Variants in KCNB2 observed in about 807,000 individuals in gnomAD.
KCNB2 encodes the protein potassium voltage-gated channel subfamily B member 2.
A neutral mutation model predicts 61.5 loss-of-function variants in KCNB2; 15 were observed. That is an observed-to-expected ratio of 0.24 (90% CI 0.16 to 0.38). The LOEUF (loss-of-function observed/expected upper bound fraction) is 0.38, where lower values mean the gene tolerates loss of function less well. Ranked by LOEUF, KCNB2 falls within the 10% of genes least tolerant of loss-of-function variation. The pLI is 1.00. For missense variants in KCNB2, 828 were observed against 1,125.2 expected, an observed-to-expected ratio of 0.74 and a Z score of 3.78; for synonymous variants, 457 against 446.0, an observed-to-expected ratio of 1.02 and a Z score of -0.31.
chr8:72,911,437 G>A (rs1806289553), intron 2 of KCNB2, among the ~76,000 whole-genome samples: 1 of 152,212 alleles, frequency 6.6e-6, no homozygotes, highest in Admixed American at 6.5e-5. Flanking sequence ...GCGTGCAGGG[G>A]CACACACCAT....
chr8:72,840,234 A>T lies in KCNB2; in HGVS notation c.580-95701A>T, dbSNP rs142947874. ...CTTCATTCATGTCCCTGCAAAGGAC[A>T]TGAACTCATCCTTTTTTGTGGTTGC... On this transcript the variant is annotated intron_variant, in intron 2 of 2. Transcript: ENST00000523207. Among the ~76,000 whole-genome samples the T allele has an allele frequency of 7.4e-3, 1,120 of 152,316 alleles. 13 individuals are homozygous for T. Among genetic ancestry groups the T allele is most frequent in the African/African-American group, 0.02 (843 of 41,554 alleles).
Position 72,673,783 on chromosome 8 carries a change from G to T in KCNB2, c.579+105470G>T, listed in dbSNP as rs550385762. Among the ~76,000 whole-genome samples, 5 of 152,290 alleles carry T rather than the reference G, an allele frequency of 3.3e-5. No homozygotes were observed. The South Asian group carries it at 6.2e-4, about 19-fold the overall frequency. ...AGAAAGTAGAATAGTAGTTGCCAGG[G>T]TCTGGGGGACATGGAAATGGGGAGT... is the stretch of plus-strand genomic sequence containing the variant. On this transcript the variant is annotated intron_variant, in intron 2 of 2. Transcript: ENST00000523207.
intron 2 of KCNB2, among the ~76,000 whole-genome samples, chr8:72,858,684 T>C (rs1408330842): frequency 1.3e-5 from 2 of 152,200 alleles, no homozygotes; most frequent in Non-Finnish European, 2.9e-5. Context: ...AGGAGGGCAA[T>C]ACATGAAGTT....
rs541663563 is a variant in KCNB2, at chr8:72,747,333, G to A, written c.579+179020G>A. On this transcript the variant is annotated intron_variant, in intron 2 of 2. Transcript: ENST00000523207. The stretch of plus-strand genomic sequence containing the variant: ...TGGTGCCTGGCCCCATGGTGATTAG[G>A]GCAGATGGACAGTGAGTGGCCCAGA... Among the ~76,000 whole-genome samples, 48 of 152,290 alleles carry A rather than the reference G, an allele frequency of 3.2e-4. No homozygotes were observed. The South Asian group carries it at 7.1e-3, about 22-fold the overall frequency.
At chr8:72,629,108 G>A (rs1277780170) in intron 2 of KCNB2, among the ~76,000 whole-genome samples, 1 of 152,200 alleles carries the variant, frequency 6.6e-6, no homozygotes, top group Non-Finnish European at 1.5e-5. Flanking sequence ...TCACACAATA[G>A]TCTTGATGTA....
intron 2 of KCNB2, among the ~76,000 whole-genome samples, chr8:72,727,443 T>C (rs546601397): frequency 2.6e-5 from 4 of 152,324 alleles, no homozygotes; most frequent in South Asian, 2.1e-4. Flanking sequence ...TAGTAGCACA[T>C]ATGTATAACT....
At chr8:72,761,108 C>T (rs978012167) in intron 2 of KCNB2, among the ~76,000 whole-genome samples, 4 of 152,148 alleles carry the variant, frequency 2.6e-5, no homozygotes, top group Non-Finnish European at 5.9e-5. Flanking sequence ...TTCCAATTGT[C>T]CTTGATAGTT....
At chr8:72,733,119 C>A (rs550543523) in intron 2 of KCNB2, among the ~76,000 whole-genome samples, 6 of 152,148 alleles carry the variant, frequency 3.9e-5, no homozygotes, top group African/African-American at 1.4e-4. Context: ...GTCATACAAA[C>A]GTGAAGGTTA....
At chr8:72,910,141 C>A (rs2129007340) in intron 2 of KCNB2, among the ~76,000 whole-genome samples, 1 of 152,256 alleles carries the variant, frequency 6.6e-6, no homozygotes, top group South Asian at 2.1e-4. Flanking sequence ...CATTGCTAAG[C>A]CTTTCTGAGC....
At chr8:72,660,454 C>T (rs987224108) in intron 2 of KCNB2, 1 of 152,234 alleles carries the variant, frequency 6.6e-6, no homozygotes, top group South Asian at 2.1e-4. Flanking sequence ...TCCTTGAGGA[C>T]CTGGCCACCC....
chr8:72,922,587 G>GA (rs1690667858), intron 2 of KCNB2, among the ~76,000 whole-genome samples: 1 of 152,166 alleles, frequency 6.6e-6, no homozygotes, highest in Non-Finnish European at 1.5e-5. Flanking sequence ...GAAAAGGCAG[G>GA]AATGCTCTCT....
chr8:72,579,884 A>G (rs1325263705), intron 2 of KCNB2, among the ~76,000 whole-genome samples: 1 of 152,232 alleles, frequency 6.6e-6, no homozygotes, highest in East Asian at 1.9e-4. Context: ...CCTGGGGGAA[A>G]AAAAGGAACT....
chr8:72,790,557 T>C (rs1808923985), intron 2 of KCNB2, among the ~76,000 whole-genome samples: 1 of 152,146 alleles, frequency 6.6e-6, no homozygotes, highest in East Asian at 1.9e-4. Flanking sequence ...ATGCAGGCCT[T>C]GAGAAAGAAT....
At chr8:72,673,557 A>C (rs765187872) in intron 2 of KCNB2, among the ~76,000 whole-genome samples, 1 of 152,218 alleles carries the variant, frequency 6.6e-6, no homozygotes, top group Non-Finnish European at 1.5e-5. Flanking sequence ...CTTTATTAGC[A>C]GTGTAAGAAC....
intron 2 of KCNB2, among the ~76,000 whole-genome samples, chr8:72,850,691 T>G (rs1268084681): frequency 6.6e-6 from 1 of 152,212 alleles, no homozygotes; most frequent in African/African-American, 2.4e-5. Context: ...CCAGCTAGTG[T>G]GTAGAATACC....
intron 2 of KCNB2, among the ~76,000 whole-genome samples, chr8:72,591,520 G>T (rs1807098943): frequency 6.6e-6 from 1 of 152,150 alleles, no homozygotes; most frequent in East Asian, 1.9e-4. Flanking sequence ...TAATCCTAAT[G>T]GCAAAACCAT....
At chr8:72,551,362 C>G (rs1806342069) in intron 1 of KCNB2, among the ~76,000 whole-genome samples, 1 of 152,118 alleles carries the variant, frequency 6.6e-6, no homozygotes, top group Non-Finnish European at 1.5e-5. Context: ...CCTTCATTTC[C>G]CAAAGCATCA....
At chr8:72,692,852 C>T (rs1372962217) in intron 2 of KCNB2, among the ~76,000 whole-genome samples, 1 of 147,630 alleles carries the variant, frequency 6.8e-6, no homozygotes, top group African/African-American at 2.5e-5. Context: ...TATGTATTTT[C>T]TAATATGCAA....
chr8:72,936,774 A>G lies in KCNB2; in HGVS notation c.1419A>G (p.Gly473=). The change falls in exon 3 of 3, where the codon GGA becomes GGG. Residue 473 remains glycine (G), a synonymous_variant. Coordinates refer to ENST00000523207, the MANE Select transcript of KCNB2 (RefSeq NM_004770.3). The surrounding 1 kb of genome is among the most constrained non-coding windows in gnomAD (Gnocchi z 5.6). ...TAGATGTGGCTGTTGAGAAGGCCGG[A>G]GAGTCCGCCAACACAAAGGACTCCG... The part of the protein sequence containing the change: ...ELIDVAVEKA[G]ESANTKDSAD... The G allele has an allele frequency of 6.2e-7, 1 of 1,614,198 alleles. No homozygotes were observed. The highest frequency in any genetic ancestry group is 8.5e-7 in the Non-Finnish European group (1 of 1,180,024).
Sources: allele counts gnomAD v4.1 joint callset (sites outside exome capture counted in the v4.1 genomes callset), GRCh38; gene constraint gnomAD v4.1.1; non-coding constraint Gnocchi (gnomAD v3.1); transcripts MANE v1.5; gene names NCBI Gene and HGNC (gene_info 2026-07-23, HGNC 2026-07-21).